ADGRV1: variants seen among roughly 807,000 people sequenced by gnomAD.
ADGRV1 encodes the protein G-protein coupled receptor 98.
Under a neutral mutation model 596.2 loss-of-function variants are expected in ADGRV1, and 359 were observed. The ratio of observed to expected loss-of-function variants is 0.60; its 90% CI spans 0.55 to 0.66. ADGRV1 has a LOEUF of 0.66. Ranked by LOEUF, ADGRV1 falls within the 30% of genes least tolerant of loss-of-function variation. The probability of loss-of-function intolerance (pLI) is 0.00; values close to 1 mark genes in which losing one functional copy is unlikely to be tolerated. For synonymous variants in ADGRV1, 2,681 were observed against 2,679.2 expected, an observed-to-expected ratio of 1.00 and a Z score of -0.02; for missense variants, 7,274 against 7,575.6, an observed-to-expected ratio of 0.96 and a Z score of 1.48.
intron 20 of ADGRV1, chr5:90,655,631 T>G (rs1482963275): frequency 6.6e-6 from 1 of 152,228 alleles, no homozygotes; most frequent in Non-Finnish European, 1.5e-5. Flanking sequence ...CTATCCTTTT[T>G]CCAAAACAGT....
chr5:90,933,657 A>T (rs1431786186), intron 83 of ADGRV1, among the ~76,000 whole-genome samples: 3 of 152,054 alleles, frequency 2.0e-5, no homozygotes, highest in African/African-American at 7.2e-5. Flanking sequence ...TTTTGAGTTG[A>T]TTTGGTATTC....
At chr5:90,878,853 T>G (rs966493313) in intron 83 of ADGRV1, among the ~76,000 whole-genome samples, 1 of 152,196 alleles carries the variant, frequency 6.6e-6, no homozygotes, top group African/African-American at 2.4e-5. Context: ...TTTCCCCACT[T>G]ACAGGTTACA....
Position 90,788,189 on chromosome 5 carries a change from C to T in ADGRV1, c.13772C>T (p.Thr4591Ile), listed in dbSNP as rs369108080. The part of the protein sequence containing the change: ...YFGEGEGGVR[T>I]IILTIYPHEE... ...GGAGAAGGAGAAGGAGGAGTGAGAA[C>T]CATAATTCTGACAATCTATCCTCAT... The change falls in exon 68 of 90, where the codon ACC (threonine) becomes ATC (isoleucine). Residue 4591 changes from threonine (T) to isoleucine (I), a missense_variant. Thr to Ile is a moderately conservative substitution (Grantham distance 89). This residue lies in a region of ADGRV1 where 3,643 missense variants were observed against 3,809.2 expected (regional missense o/e 0.96). Transcript: ENST00000405460. 109 of 1,613,738 alleles carry T rather than the reference C, an allele frequency of 6.8e-5. No homozygotes were observed. The highest frequency in any genetic ancestry group is 3.3e-4 in the Middle Eastern group (2 of 6,060).
intron 1 of ADGRV1, among the ~76,000 whole-genome samples, chr5:90,563,540 C>G (rs920658707): frequency 1.3e-5 from 2 of 152,190 alleles, no homozygotes; most frequent in Admixed American, 6.5e-5. Context: ...ACAATAGCTT[C>G]AAATAAAATG....
chr5:90,595,387 G>GA (rs1760238305), intron 1 of ADGRV1, among the ~76,000 whole-genome samples: 1 of 27,018 alleles, frequency 3.7e-5, no homozygotes. Context: ...CGGGTGGGGG[G>GA]CTGACCCCCC....
At chr5:90,787,797 G>T (rs1302265724) in intron 67 of ADGRV1, among the ~76,000 whole-genome samples, 1 of 151,530 alleles carries the variant, frequency 6.6e-6, no homozygotes, top group East Asian at 1.9e-4. Context: ...CACCATGTTG[G>T]CCAGGTTGGT....
intron 59 of ADGRV1, among the ~76,000 whole-genome samples, chr5:90,773,808 T>G (rs191389277): frequency 2.6e-5 from 4 of 152,336 alleles, no homozygotes; most frequent in African/African-American, 9.6e-5. Flanking sequence ...CCCCTACAAC[T>G]GTGATCTAAT....
chr5:90,905,509 A>C (rs1225867705), intron 83 of ADGRV1, among the ~76,000 whole-genome samples: 1 of 151,946 alleles, frequency 6.6e-6, no homozygotes, highest in Non-Finnish European at 1.5e-5. Flanking sequence ...AAATGGGATT[A>C]CTTTTGTGTT....
In ADGRV1 at chr5:90,776,519, C is replaced by G. The variant is rs764062084; in HGVS notation, c.12470C>G (p.Ser4157Cys). The G allele has an allele frequency of 6.2e-7, 1 of 1,613,214 alleles. No individual in the cohort carries two copies. The highest frequency in any genetic ancestry group is 1.7e-5 in the Admixed American group (1 of 59,934). ...GGAGAAGTTGGGATAGCTCCGTCATCTAGGCACATCCTCATTGGGGAACCC... is the reference window on the plus strand; with the variant it reads ...GGAGAAGTTGGGATAGCTCCGTCATGTAGGCACATCCTCATTGGGGAACCC... ...ASGEVGIAPS[S>C]RHILIGEPSA... The change falls in exon 61 of 90, where the codon TCT becomes TGT. Residue 4157 changes from serine to cysteine, a missense_variant. Around this residue, in one of 5 missense-constraint regions of ADGRV1, gnomAD observed 3,643 missense variants for 3,809.2 expected, o/e 0.96. Coordinates refer to ENST00000405460, the MANE Select transcript of ADGRV1 (RefSeq NM_032119.4).
At chr5:90,630,699 T>C (rs552992354) in intron 9 of ADGRV1, among the ~76,000 whole-genome samples, 1 of 152,360 alleles carries the variant, frequency 6.6e-6, no homozygotes, top group African/African-American at 2.4e-5. Flanking sequence ...CTAATTTCTT[T>C]GAATCATGCC....
At chr5:90,601,237 C>CA (rs200792828) in intron 1 of ADGRV1, among the ~76,000 whole-genome samples, 258 of 129,880 alleles carry the variant, frequency 2.0e-3, no homozygotes, top group South Asian at 4.7e-3. Context: ...AACTCCATCT[C>CA]AAAAAAAAAA....
chr5:90,625,142 C>G lies in ADGRV1; in HGVS notation c.571C>G (p.Pro191Ala). ...TGTTTCTTTGCAGGTAGAGGGTGGC[C>G]CAAATCCCCCTGATGAAGATTTGAG... is the stretch of plus-strand genomic sequence containing the variant. The part of the protein sequence containing the change: ...VMVTFEVEGG[P>A]NPPDEDLSPV... Residue 191 changes from proline (P) to alanine (A), a missense_variant, in exon 6 of 90, where the codon CCA (proline) becomes GCA (alanine). By Grantham distance (27) the Pro-to-Ala change is conservative. Coordinates refer to ENST00000405460, the MANE Select transcript of ADGRV1 (RefSeq NM_032119.4). 1.2e-6 allele frequency: 2 copies of G among 1,608,476 alleles called. No individual in the cohort carries two copies. The highest frequency in any genetic ancestry group is 1.7e-6 in the Non-Finnish European group (2 of 1,176,092).
At position 90,629,350 on chromosome 5, in the gene ADGRV1, T is replaced by C. The variant is rs1056313160; in HGVS notation, c.1650T>C (p.Asp550=). The C allele has an allele frequency of 1.9e-6, 3 of 1,613,522 alleles. No homozygotes were observed. The highest frequency in any genetic ancestry group is 2.7e-5 in the African/African-American group (2 of 74,958). ...CAAGACTAGGAGGGACTAAAGGAGA[T>C]GTGAGGTTGCTTTATTCTGTACTTT... is the stretch of plus-strand genomic sequence containing the variant. ...SFTRLGGTKG[D]VRLLYSVLYI... is the part of the protein sequence containing the mutation. Residue 550 remains aspartate (D), a synonymous_variant, in exon 9 of 90, where the codon GAT becomes GAC. Transcript: ENST00000405460.
chr5:90,649,958 G>T (rs1269945995), intron 17 of ADGRV1, among the ~76,000 whole-genome samples: 1 of 152,194 alleles, frequency 6.6e-6, no homozygotes, highest in East Asian at 1.9e-4. Flanking sequence ...TGCTGCATTT[G>T]TCTTTAATAT....
intron 85 of ADGRV1, chr5:91,030,844 G>A (rs1784422939): frequency 2.4e-6 from 1 of 412,046 alleles, no homozygotes; most frequent in African/African-American, 2.1e-5. Context: ...TTCAGATAAA[G>A]ATACCCCCTA....
At chr5:90,595,969 C>T (rs1343728062) in intron 1 of ADGRV1, among the ~76,000 whole-genome samples, 1 of 149,342 alleles carries the variant, frequency 6.7e-6, no homozygotes, top group African/African-American at 2.5e-5. Flanking sequence ...GGCTGCCGGG[C>T]GGAGAGGCTC....
intron 70 of ADGRV1, among the ~76,000 whole-genome samples, chr5:90,800,641 A>G (rs1418370820): frequency 6.6e-6 from 1 of 152,226 alleles, no homozygotes. Context: ...TTATTGTGGA[A>G]CTATTCACAA....
chr5:91,038,609 G>A (rs1282872468), intron 85 of ADGRV1, among the ~76,000 whole-genome samples: 2 of 152,176 alleles, frequency 1.3e-5, no homozygotes, highest in Non-Finnish European at 2.9e-5. Flanking sequence ...TTTCTGGCAT[G>A]GGCAACTGTG....
At chr5:90,668,601 A>G (rs6452901) in intron 21 of ADGRV1, among the ~76,000 whole-genome samples, 113,394 of 151,766 alleles carry the variant, frequency 0.75, 43,685 homozygotes, top group African/African-American at 0.94. Flanking sequence ...GCTGTAGACC[A>G]GAGCTGTTCC....
Sources: allele counts gnomAD v4.1 joint callset (sites outside exome capture counted in the v4.1 genomes callset), GRCh38; gene constraint gnomAD v4.1.1; regional missense constraint gnomAD v4.1.1; transcripts MANE v1.5; gene names NCBI Gene and HGNC (gene_info 2026-07-23, HGNC 2026-07-21).